Variants in MSR1 observed in about 807,000 individuals in gnomAD.
The protein encoded by MSR1 is macrophage scavenger receptor types I and II.
In MSR1, 53 loss-of-function variants were observed where a neutral mutation model predicts 47.2. The ratio of observed to expected loss-of-function variants is 1.12; its 90% CI spans 0.90 to 1.41. MSR1 has a LOEUF of 1.41. Among genes scored for constraint, MSR1 ranks in the 40% most tolerant of loss-of-function variants. MSR1 has a pLI of 0.00. For missense variants in MSR1, 786 were observed against 546.9 expected (o/e 1.44, Z -4.36); for synonymous variants, 239 against 185.6 (o/e 1.29, Z -2.34).
intron 8 of MSR1, 61 bp downstream of exon 8, chr8:16,143,497 T>C (rs1010748410): frequency 6.9e-6 from 10 of 1,450,742 alleles, no homozygotes; most frequent in East Asian, 2.3e-5. Flanking sequence ...CCCAGATCTC[T>C]AGTATCACAG....
Position 16,164,269 on chromosome 8 carries a change from G to T in MSR1, c.631-18C>A. The T allele has an allele frequency of 6.2e-7, 1 of 1,600,996 alleles. No individual in the cohort carries two copies. The highest frequency in any genetic ancestry group is 8.5e-7 in the Non-Finnish European group (1 of 1,169,780). On this transcript the variant is annotated intron_variant, in intron 4 of 9. Transcript: ENST00000262101. ...CTGATTTCCTGTAAAACATAAGTGA[G>T]CATTCACAGCCTTTGTTACATACAT...
chr8:16,151,135 G>T (rs13271012), intron 6 of MSR1, among the ~76,000 whole-genome samples: 1 of 152,148 alleles, frequency 6.6e-6, no homozygotes, highest in East Asian at 1.9e-4. Context: ...AATTCAGAGA[G>T]AACTCGTTCA....
At chr8:16,115,234 T>C (rs1379523912) in intron 9 of MSR1, among the ~76,000 whole-genome samples, 1 of 152,184 alleles carries the variant, frequency 6.6e-6, no homozygotes, top group African/African-American at 2.4e-5. Context: ...TACAATATGA[T>C]ATGAACCTGA....
intron 3 of MSR1, among the ~76,000 whole-genome samples, chr8:16,171,628 T>G (rs1354112997): frequency 1.3e-5 from 2 of 152,172 alleles, no homozygotes; most frequent in Non-Finnish European, 2.9e-5. Flanking sequence ...ATTGCTTGAG[T>G]TACTCTGGGA....
intron 8 of MSR1, 46 bp downstream of exon 8, chr8:16,143,512 A>G (rs1174545321): frequency 6.5e-7 from 1 of 1,538,904 alleles, no homozygotes; most frequent in Admixed American, 1.7e-5. Flanking sequence ...TCACAGACTT[A>G]CTTATTACAA....
At chr8:16,180,040 G>A (rs1410944126) in intron 1 of MSR1, among the ~76,000 whole-genome samples, 2 of 151,764 alleles carry the variant, frequency 1.3e-5, no homozygotes, top group Non-Finnish European at 2.9e-5. Context: ...CCTCAAGTCT[G>A]CCTCCCAAAG....
intron 7 of MSR1, among the ~76,000 whole-genome samples, chr8:16,149,799 G>C (rs987148367): frequency 6.6e-6 from 1 of 152,010 alleles, no homozygotes; most frequent in South Asian, 2.1e-4. Context: ...CTGGCCAGTT[G>C]TGGTTAAACG....
intron 8 of MSR1, among the ~76,000 whole-genome samples, chr8:16,135,563 G>C (rs1779255669): frequency 6.6e-6 from 1 of 152,150 alleles, no homozygotes; most frequent in Admixed American, 6.5e-5. Context: ...TTTCATGCCT[G>C]CTAACACAAT....
intron 7 of MSR1, 32 bp downstream of exon 7, chr8:16,150,199 T>A (rs371872573): frequency 1.0e-6 from 1 of 979,848 alleles, no homozygotes; most frequent in Non-Finnish European, 1.4e-6. Flanking sequence ...CTTCTACATA[T>A]TCTATAAAGA....
intron 3 of MSR1, among the ~76,000 whole-genome samples, chr8:16,173,606 A>G (rs1307706142): frequency 6.6e-6 from 1 of 152,120 alleles, no homozygotes; most frequent in Non-Finnish European, 1.5e-5. Flanking sequence ...AAAAGAAGTT[A>G]ATTGTTACCT....
At chr8:16,112,267 A>T (rs1370259667) in intron 9 of MSR1, among the ~76,000 whole-genome samples, 1 of 152,174 alleles carries the variant, frequency 6.6e-6, no homozygotes, top group African/African-American at 2.4e-5. Flanking sequence ...GTCTTTTCAC[A>T]TACATTTCTA....
At chr8:16,181,971 A>C (rs138252761) in intron 1 of MSR1, among the ~76,000 whole-genome samples, 61 of 152,278 alleles carry the variant, frequency 4.0e-4, no homozygotes, top group African/African-American at 1.4e-3. Context: ...ACGTTCTGAG[A>C]AATGCATTGC....
intron 5 of MSR1, among the ~76,000 whole-genome samples, chr8:16,160,581 T>C (rs1323825151): frequency 1.3e-5 from 2 of 151,856 alleles, no homozygotes; most frequent in African/African-American, 4.8e-5. Flanking sequence ...TTTCATATAG[T>C]GGTAAAAACT....
intron 7 of MSR1, among the ~76,000 whole-genome samples, chr8:16,149,887 G>A (rs1467010709): frequency 1.3e-5 from 2 of 151,476 alleles, no homozygotes; most frequent in East Asian, 1.9e-4. Flanking sequence ...ATCATTGTTA[G>A]TGATGATTTA....
intron 1 of MSR1, among the ~76,000 whole-genome samples, chr8:16,181,911 G>C (rs941925647): frequency 2.6e-5 from 4 of 152,124 alleles, no homozygotes; most frequent in African/African-American, 7.2e-5. Context: ...CAAAAATTGT[G>C]TTCAAGTATA....
Position 16,109,932 on chromosome 8 carries a change from G to C in MSR1, c.*153C>G, listed in dbSNP as rs1464349888. 3.6e-6 allele frequency: 3 copies of C among 836,100 alleles called. No homozygotes were observed. In the African/African-American group the frequency reaches 5.1e-5, roughly 14 times the overall value. The allele number at this position is 836,100 out of a possible 1,614,324, so 51.8% of individuals were successfully genotyped here. A position where few individuals can be genotyped will look rare whatever the true frequency, so the allele number is the denominator to read the frequency against. ...AATATAGACATAAAATAGTAAGCAT[G>C]AAGGTGTTCAATATATTAATCCTGT... On this transcript the variant is annotated 3_prime_UTR_variant, in exon 10 of 10. Transcript: ENST00000262101.
intron 1 of MSR1, among the ~76,000 whole-genome samples, chr8:16,192,065 G>A (rs748123558): frequency 6.6e-6 from 1 of 151,836 alleles, no homozygotes; most frequent in African/African-American, 2.4e-5. Flanking sequence ...TAAGATTCCG[G>A]AGCACAAAAA....
chr8:16,135,391 G>T (rs1195139557), intron 8 of MSR1, among the ~76,000 whole-genome samples: 1 of 152,132 alleles, frequency 6.6e-6, no homozygotes. Context: ...TGAGGCCTGG[G>T]TGACAGCACG....
At chr8:16,184,649 A>G (rs900941524) in intron 1 of MSR1, among the ~76,000 whole-genome samples, 2 of 152,170 alleles carry the variant, frequency 1.3e-5, no homozygotes, top group African/African-American at 2.4e-5. Flanking sequence ...CAAATGAAGT[A>G]AAAATTTATT....
Sources: gnomAD v4.1 joint callset for allele counts (sites outside exome capture counted in the v4.1 genomes callset) on GRCh38, gnomAD v4.1.1 for gene constraint, MANE v1.5 for transcripts, NCBI Gene and HGNC (gene_info 2026-07-23, HGNC 2026-07-21) for gene names.